The following ZMYM2 variants were observed in gnomAD, a reference collection of about 807,000 sequenced individuals.
ZMYM2 encodes zinc finger MYM-type protein 2.
Under a neutral mutation model 162.8 loss-of-function variants are expected in ZMYM2, and 56 were observed. The observed-to-expected ratio is 0.34, with a 90% CI of 0.28 to 0.43. The LOEUF is 0.43. Among genes scored for constraint, ZMYM2 ranks in the 20% least tolerant of loss-of-function variants. The pLI, the probability that ZMYM2 is intolerant of heterozygous loss-of-function variation, is 1.00. For missense variants in ZMYM2, 1,275 were observed against 1,621.8 expected, an observed-to-expected ratio of 0.79 and a Z score of 3.67; for synonymous variants, 510 against 541.6, an observed-to-expected ratio of 0.94 and a Z score of 0.81.
At chr13:19,994,283 C>G (rs186865530) in intron 3 of ZMYM2, among the ~76,000 whole-genome samples, 245 of 152,254 alleles carry the variant, frequency 1.6e-3, no homozygotes, top group Non-Finnish European at 2.9e-3. Flanking sequence ...GAGTTCGAGA[C>G]CAGTCTAGGC....
the ZMYM2 span, among the ~76,000 whole-genome samples, chr13:19,906,429 T>C: frequency 8.7e-4 from 128 of 147,578 alleles, 1 homozygote; most frequent in African/African-American, 3.0e-3. Context: ...AGCTGTCTTT[T>C]AATTGGAGAA....
At chr13:20,057,385 G>A (rs1404641303) in intron 14 of ZMYM2, among the ~76,000 whole-genome samples, 1 of 152,110 alleles carries the variant, frequency 6.6e-6, no homozygotes, top group Non-Finnish European at 1.5e-5. Flanking sequence ...TGATCCGCCT[G>A]TCCCGGCCTC....
chr13:19,878,056 C>CGT, the ZMYM2 span, among the ~76,000 whole-genome samples: 1 of 144,816 alleles, frequency 6.9e-6, no homozygotes. Flanking sequence ...TTTTTGATTA[C>CGT]TTTTTTTTTT....
the ZMYM2 span, among the ~76,000 whole-genome samples, chr13:19,908,969 A>G: frequency 3.9e-5 from 6 of 152,216 alleles, no homozygotes; most frequent in African/African-American, 1.2e-4. Flanking sequence ...TGTGAGAACT[A>G]TAAAGGCACA....
chr13:19,884,762 A>T, the ZMYM2 span, among the ~76,000 whole-genome samples: 1 of 152,138 alleles, frequency 6.6e-6, no homozygotes, highest in Admixed American at 6.6e-5. Context: ...CAGCTCTTCA[A>T]CATAGTGCCG....
chr13:19,987,872 A>G (rs550953474), intron 2 of ZMYM2, among the ~76,000 whole-genome samples: 2 of 152,212 alleles, frequency 1.3e-5, no homozygotes, highest in Admixed American at 1.3e-4. Flanking sequence ...TCAGCCTCCC[A>G]AAGTGTTGGG....
chr13:19,892,901 G>C, the ZMYM2 span, among the ~76,000 whole-genome samples: 4 of 151,116 alleles, frequency 2.6e-5, no homozygotes, highest in Admixed American at 2.6e-4. Context: ...TTTTAGTAGA[G>C]ACGGGGTTTC....
chr13:19,940,074 A>C, the ZMYM2 span, among the ~76,000 whole-genome samples: 1 of 152,236 alleles, frequency 6.6e-6, no homozygotes, highest in South Asian at 2.1e-4. Flanking sequence ...GTTTATGAAA[A>C]CATATCTAAG....
the ZMYM2 span, among the ~76,000 whole-genome samples, chr13:19,934,801 CTG>C: frequency 2.1e-5 from 3 of 145,652 alleles, no homozygotes; most frequent in Admixed American, 6.9e-5. Flanking sequence ...GAGTCTCTCT[CTG>C]TTGCCCACGC....
chr13:20,069,678 A>G (rs1183441564), intron 21 of ZMYM2, among the ~76,000 whole-genome samples: 3 of 152,052 alleles, frequency 2.0e-5, no homozygotes, highest in Admixed American at 6.6e-5. Flanking sequence ...ACTCCAATTG[A>G]TAATGTTATC....
At chr13:20,023,454 C>T (rs979713075) in intron 7 of ZMYM2, among the ~76,000 whole-genome samples, 2 of 151,994 alleles carry the variant, frequency 1.3e-5, no homozygotes, top group African/African-American at 2.4e-5. Flanking sequence ...GTTGTAAAAT[C>T]GTGACAGTTT....
the ZMYM2 span, among the ~76,000 whole-genome samples, chr13:19,887,172 A>G: frequency 6.6e-6 from 1 of 151,904 alleles, no homozygotes. Flanking sequence ...TTTTCTCATT[A>G]TTAGTAGCCA....
At position 20,015,411 on chromosome 13, in the gene ZMYM2, A is replaced by T. The variant is rs137982005; in HGVS notation, c.1513-4136A>T. Among the ~76,000 whole-genome samples, 7 of 152,296 alleles carry T rather than the reference A, an allele frequency of 4.6e-5. No homozygotes were observed. The East Asian group carries it at 1.3e-3, about 29-fold the overall frequency. On this transcript the variant is annotated intron_variant, in intron 6 of 24. Transcript: ENST00000610343. ...GGAAATTGCTCCATGTGCATTTGAG[A>T]AGAATGTTTATTCTACTGTTGTTGG... is the stretch of plus-strand genomic sequence containing the variant.
At position 20,063,736 on chromosome 13, in the gene ZMYM2, C is replaced by T. The variant is rs1956407751; in HGVS notation, c.3038-715C>T. Among the ~76,000 whole-genome samples, 2 of 111,002 alleles carry T rather than the reference C, an allele frequency of 1.8e-5. 1 individual carries two copies. Among genetic ancestry groups the T allele is most frequent in the South Asian group, 5.8e-4 (2 of 3,456 alleles). 72.8% of individuals were successfully genotyped at this position (111,002 alleles called of 152,430 possible). On this transcript the variant is annotated intron_variant, in intron 18 of 24. Coordinates refer to ENST00000610343, the MANE Select transcript of ZMYM2 (RefSeq NM_197968.4). ...GAGGTTGCAGTGAGCCAAGACTGCA[C>T]CATTGCACTCCAACCTAGGCAACAA...
the ZMYM2 span, among the ~76,000 whole-genome samples, chr13:19,881,228 A>G: frequency 2.0e-5 from 3 of 152,172 alleles, no homozygotes; most frequent in Non-Finnish European, 4.4e-5. Context: ...TCATCTATGG[A>G]AAACGATAAT....
intron 21 of ZMYM2, among the ~76,000 whole-genome samples, chr13:20,073,110 G>A (rs1018405627): frequency 6.6e-6 from 1 of 152,134 alleles, no homozygotes; most frequent in Admixed American, 6.5e-5. Flanking sequence ...ACTTCACCAC[G>A]TTGGCCAGGC....
chr13:19,972,556 G>A (rs780623414), intron 2 of ZMYM2, among the ~76,000 whole-genome samples: 21 of 151,986 alleles, frequency 1.4e-4, no homozygotes, highest in Non-Finnish European at 2.4e-4. Context: ...GTATTTAATG[G>A]CATGGATATA....
At chr13:19,995,043 CTG>C (rs988512794) in intron 3 of ZMYM2, among the ~76,000 whole-genome samples, 7 of 150,596 alleles carry the variant, frequency 4.6e-5, no homozygotes, top group African/African-American at 7.3e-5. Flanking sequence ...CGGAGTCTTA[CTG>C]TGTTGCCCAG....
At chr13:19,989,153 C>T (rs1170990238) in intron 2 of ZMYM2, among the ~76,000 whole-genome samples, 2 of 152,026 alleles carry the variant, frequency 1.3e-5, no homozygotes, top group East Asian at 3.8e-4. Context: ...GGGAAAATAT[C>T]GTATATATAG....
Sources: allele counts gnomAD v4.1 joint callset (sites outside exome capture counted in the v4.1 genomes callset), GRCh38; gene constraint gnomAD v4.1.1; transcripts MANE v1.5; gene names NCBI Gene and HGNC (gene_info 2026-07-23, HGNC 2026-07-21).